The following PDZD2 variants were observed in gnomAD, a reference collection of about 807,000 sequenced individuals.
PDZD2 encodes the protein PDZ domain containing 2.
A neutral mutation model predicts 220.7 loss-of-function variants in PDZD2; 90 were observed. That is an observed-to-expected ratio of 0.41 (90% confidence interval 0.34 to 0.49). PDZD2 has a LOEUF of 0.49. Ranked by LOEUF, PDZD2 falls within the 20% of genes least tolerant of loss-of-function variation. The pLI is 0.28. For synonymous variants in PDZD2, 1,375 were observed against 1,450.5 expected (o/e 0.95, Z 1.18); for missense variants, 3,174 against 3,608.5 (o/e 0.88, Z 3.08).
intron 1 of PDZD2, among the ~76,000 whole-genome samples, chr5:31,762,518 C>A (rs1222135837): frequency 6.6e-6 from 1 of 152,150 alleles, no homozygotes; most frequent in Admixed American, 6.5e-5. Flanking sequence ...AAACTCCTAA[C>A]CTCAGGTGAT....
At position 31,788,687 on chromosome 5, in the gene PDZD2, T is replaced by TAAATAAATAATA. The variant is rs1171293061; in HGVS notation, c.-360-10195_-360-10194insTAATAAAATAAA. ...TCTCAAAATAAATAAATAAATTAAA[T>TAAATAAATAATA]AAATAAAATAAAATTAGCTCTCCCA... is the stretch of plus-strand genomic sequence containing the variant. On this transcript the variant is annotated intron_variant, in intron 1 of 24. Transcript: ENST00000438447. 1.3e-4 allele frequency among the ~76,000 whole-genome samples: 20 copies of TAAATAAATAATA among 152,030 alleles called. No homozygotes were observed. In the East Asian group the frequency reaches 3.5e-3, roughly 26 times the overall value.
At chr5:32,079,717 A>G (rs1741722412) in intron 19 of PDZD2, among the ~76,000 whole-genome samples, 1 of 152,016 alleles carries the variant, frequency 6.6e-6, no homozygotes, top group Admixed American at 6.5e-5. Context: ...AGGCTGAGGC[A>G]GGAGAATCGT....
intron 6 of PDZD2, among the ~76,000 whole-genome samples, chr5:32,022,186 T>G (rs930650361): frequency 6.3e-5 from 2 of 31,546 alleles, no homozygotes; most frequent in Non-Finnish European, 1.9e-4. Context: ...TGTTTTTTTG[T>G]TTTTTTGTTT....
chr5:31,679,776 G>T (rs548813870), intron 1 of PDZD2, among the ~76,000 whole-genome samples: 2 of 152,272 alleles, frequency 1.3e-5, no homozygotes, highest in Admixed American at 6.5e-5. Flanking sequence ...TCCCAAAAGT[G>T]CTGGGATTAC....
intron 1 of PDZD2, among the ~76,000 whole-genome samples, chr5:31,678,698 C>T (rs1211109363): frequency 6.6e-6 from 1 of 152,196 alleles, no homozygotes; most frequent in Non-Finnish European, 1.5e-5. Flanking sequence ...TCACTGCCTC[C>T]TGGGCCCAAG....
chr5:32,002,637 A>AACACACACCAACACACCACCAAC (rs1561311657), intron 5 of PDZD2, among the ~76,000 whole-genome samples: 27 of 125,800 alleles, frequency 2.1e-4, no homozygotes, highest in Non-Finnish European at 3.4e-4. Context: ...ACACACCACC[A>AACACACACCAACACACCACCAAC]ACACACACAC....
At chr5:31,725,665 TTGTAA>T in intron 1 of PDZD2, 1 of 1,032,198 alleles carries the variant, frequency 9.7e-7, no homozygotes. Flanking sequence ...TGAGCCAGAC[TTGTAA>T]TGTGCTTTGG....
At chr5:31,966,753 C>T (rs190971106) in intron 2 of PDZD2, among the ~76,000 whole-genome samples, 3 of 152,246 alleles carry the variant, frequency 2.0e-5, no homozygotes, top group East Asian at 3.9e-4. Flanking sequence ...GGAAAATATC[C>T]GACTAACTTG....
chr5:32,075,102 G>C (rs151863), intron 18 of PDZD2, among the ~76,000 whole-genome samples: 14,977 of 152,094 alleles, frequency 0.098, 970 homozygotes, highest in South Asian at 0.33. Context: ...GTGAGCCACC[G>C]CACCCAGCCT....
chr5:31,917,652 A>T (rs6894306), intron 2 of PDZD2, among the ~76,000 whole-genome samples: 1 of 152,242 alleles, frequency 6.6e-6, no homozygotes, highest in East Asian at 1.9e-4. Flanking sequence ...TTCTCACACT[A>T]CTCTAAAGAC....
intron 2 of PDZD2, among the ~76,000 whole-genome samples, chr5:31,809,956 T>C (rs1754991020): frequency 1.3e-5 from 2 of 152,208 alleles, no homozygotes; most frequent in African/African-American, 2.4e-5. Context: ...ACTTGAGCCA[T>C]GGAAGATGGA....
At chr5:31,982,130 T>G (rs1204233728) in intron 2 of PDZD2, among the ~76,000 whole-genome samples, 1 of 152,222 alleles carries the variant, frequency 6.6e-6, no homozygotes, top group African/African-American at 2.4e-5. Flanking sequence ...GGTCCTTCTT[T>G]GTCTATGTGT....
chr5:32,012,454 G>A (rs1392244581), intron 6 of PDZD2, among the ~76,000 whole-genome samples: 1 of 152,086 alleles, frequency 6.6e-6, no homozygotes, highest in African/African-American at 2.4e-5. Context: ...CGTGATCTTG[G>A]CTTGCTGCAA....
chr5:31,651,784 C>G (rs1194039801), intron 1 of PDZD2, among the ~76,000 whole-genome samples: 1 of 151,730 alleles, frequency 6.6e-6, no homozygotes, highest in Non-Finnish European at 1.5e-5. Flanking sequence ...GTATGCACCA[C>G]CATGCCTGGC....
At chr5:31,837,585 A>T (rs1006791672) in intron 2 of PDZD2, among the ~76,000 whole-genome samples, 1 of 152,116 alleles carries the variant, frequency 6.6e-6, no homozygotes, top group African/African-American at 2.4e-5. Context: ...TTACCCAGGC[A>T]TGGTGGTCCA....
intron 2 of PDZD2, among the ~76,000 whole-genome samples, chr5:31,947,541 A>G (rs1746754872): frequency 6.6e-6 from 1 of 152,240 alleles, no homozygotes; most frequent in African/African-American, 2.4e-5. Flanking sequence ...TATGAAAATC[A>G]AATGAAACAT....
chr5:31,712,481 TCCCC>T lies in PDZD2; in HGVS notation c.-361+73046_-361+73049del, dbSNP rs1347657996. 6.3e-4 allele frequency among the ~76,000 whole-genome samples: 37 copies of T among 59,060 alleles called. No individual in the cohort carries two copies. In the South Asian group the frequency reaches 0.021, roughly 33 times the overall value. 38.7% of individuals were successfully genotyped at this position (59,060 alleles called of 152,430 possible). ...CTCTCTCTCTCTCTCTCTCTCTCTC[TCCCC>T]CTCTCTCCCTCTCCCTATAGTCACA... On this transcript the variant is annotated intron_variant, in intron 1 of 24. Coordinates refer to ENST00000438447, the MANE Select transcript of PDZD2 (RefSeq NM_178140.4).
intron 1 of PDZD2, chr5:31,725,937 A>G: frequency 1.5e-6 from 1 of 659,170 alleles, no homozygotes; most frequent in Admixed American, 2.3e-5. Flanking sequence ...CTGGGTCTCC[A>G]CTCTCTGCCG....
intron 1 of PDZD2, among the ~76,000 whole-genome samples, chr5:31,716,893 C>T (rs2150143776): frequency 6.6e-6 from 1 of 152,110 alleles, no homozygotes; most frequent in African/African-American, 2.4e-5. Context: ...AATACCTGGC[C>T]CTGGATGATT....
Sources: gnomAD v4.1 joint callset for allele counts (sites outside exome capture counted in the v4.1 genomes callset) on GRCh38, gnomAD v4.1.1 for gene constraint, MANE v1.5 for transcripts, NCBI Gene and HGNC (gene_info 2026-07-23, HGNC 2026-07-21) for gene names.